The following IQUB variants were observed in gnomAD, a reference collection of about 807,000 sequenced individuals.
The protein encoded by IQUB is IQ motif and ubiquitin domain containing.
A neutral mutation model predicts 86.4 loss-of-function variants in IQUB; 86 were observed. The observed-to-expected ratio is 1.00, with a 90% CI of 0.84 to 1.19. The LOEUF is 1.19. Among genes scored for constraint, IQUB ranks in the 50% most tolerant of loss-of-function variants. The pLI, the probability that IQUB is intolerant of heterozygous loss-of-function variation, is 0.00. For synonymous variants in IQUB, 289 were observed against 304.5 expected, an observed-to-expected ratio of 0.95 and a Z score of 0.53; for missense variants, 946 against 916.9, an observed-to-expected ratio of 1.03 and a Z score of -0.41.
At chr7:123,467,115 AATAAAATAAT>A (rs1794298748) in intron 9 of IQUB, among the ~76,000 whole-genome samples, 1 of 149,966 alleles carries the variant, frequency 6.7e-6, no homozygotes, top group Non-Finnish European at 1.5e-5. Context: ...GGATAAATTA[AATAAAATAAT>A]ATAAATTATT....
chr7:123,478,316 A>G (rs1179668465), intron 8 of IQUB, among the ~76,000 whole-genome samples: 2 of 152,122 alleles, frequency 1.3e-5, no homozygotes. Flanking sequence ...GCAAACTACC[A>G]CAAGGACAAA....
chr7:123,504,635 G>C (rs1042715371), intron 3 of IQUB, among the ~76,000 whole-genome samples: 3 of 151,970 alleles, frequency 2.0e-5, no homozygotes, highest in Non-Finnish European at 2.9e-5. Context: ...GATGTCATGA[G>C]AACTCACTCA....
intron 1 of IQUB, among the ~76,000 whole-genome samples, chr7:123,529,092 G>A (rs1797398244): frequency 6.6e-6 from 1 of 152,034 alleles, no homozygotes; most frequent in Non-Finnish European, 1.5e-5. Context: ...TTTTAAGAGA[G>A]TAATATGTGC....
chr7:123,516,463 T>C (rs546931746), intron 1 of IQUB, among the ~76,000 whole-genome samples: 7 of 152,162 alleles, frequency 4.6e-5, no homozygotes, highest in Non-Finnish European at 8.8e-5. Context: ...TTTTGTGCTA[T>C]ACTTAATAAA....
chr7:123,518,211 T>C (rs1036920617), intron 1 of IQUB, among the ~76,000 whole-genome samples: 13 of 151,890 alleles, frequency 8.6e-5, no homozygotes, highest in African/African-American at 3.1e-4. Context: ...GACCTGAAAA[T>C]TTAGTCTCAG....
rs750634555 is a variant in IQUB at position 123,511,975 on chromosome 7, CAA to C, written c.364_365del (p.Leu122AlafsTer27). 6.2e-7 allele frequency: 1 copy of C among 1,609,060 alleles called. No homozygotes were observed. Among genetic ancestry groups the C allele is most frequent in the Non-Finnish European group, 8.5e-7 (1 of 1,176,274 alleles). ...CTAGAGAATCTTCCACTGATTCTTGCAAAGATTCCTTTACAGACTTTATTTTA... is the reference window on the plus strand; with the variant it reads ...CTAGAGAATCTTCCACTGATTCTTGCAGATTCCTTTACAGACTTTATTTTA... ...LDKIKSVKES[L>X]QESVEDSLAT... On this transcript the variant is annotated frameshift_variant, in exon 2 of 13. Coordinates refer to ENST00000324698, the MANE Select transcript of IQUB (RefSeq NM_178827.5). LOFTEE classifies it high-confidence loss of function.
Position 123,528,607 on chromosome 7 carries a change from G to C in IQUB, c.-5+5885C>G, listed in dbSNP as rs139549924. 1.8e-3 allele frequency among the ~76,000 whole-genome samples: 281 copies of C among 152,240 alleles called. 1 individual carries two copies. The highest frequency in any genetic ancestry group is 6.4e-3 in the African/African-American group (268 of 41,558). On this transcript the variant is annotated intron_variant, in intron 1 of 12. Transcript: ENST00000324698. Reference sequence around the variant, plus strand: ...TCCATGGGGGATTGGGAGGAGAACAGAAAAGGGGTCCTGGTGATGAAGAAA... The same window carrying C: ...TCCATGGGGGATTGGGAGGAGAACACAAAAGGGGTCCTGGTGATGAAGAAA...
chr7:123,452,757 T>C lies in IQUB; in HGVS notation c.2362A>G (p.Arg788Gly). 1 of 1,612,448 alleles carries C rather than the reference T, an allele frequency of 6.2e-7. No homozygotes were observed. Among genetic ancestry groups the C allele is most frequent in the Non-Finnish European group, 8.5e-7 (1 of 1,178,976 alleles). ...TCCTGGATCACCTAATGAGGAGGCC[T>C]CTGGGATTCTATAATCTTAGGTGTT... is the stretch of plus-strand genomic sequence containing the variant. ...DTTPKIIESQRPPH is the reference protein window; with the variant it reads ...DTTPKIIESQGPPH The change falls in exon 13 of 13, where the codon AGG becomes GGG. Residue 788 changes from arginine to glycine, a missense_variant. Transcript: ENST00000324698.
At chr7:123,469,847 T>C (rs1406057764) in intron 8 of IQUB, among the ~76,000 whole-genome samples, 1 of 152,128 alleles carries the variant, frequency 6.6e-6, no homozygotes, top group African/African-American at 2.4e-5. Flanking sequence ...TGAGTTATGG[T>C]TTAATGTCCT....
At chr7:123,469,123 A>T in intron 9 of IQUB, 91 bp downstream of exon 9, 2 of 909,000 alleles carry the variant, frequency 2.2e-6, no homozygotes, top group Non-Finnish European at 3.1e-6. Flanking sequence ...AACAATTCTT[A>T]ATGTAAAACA....
chr7:123,464,785 C>A, intron 10 of IQUB, 48 bp downstream of exon 10: 2 of 1,291,344 alleles, frequency 1.5e-6, no homozygotes, highest in Non-Finnish European at 2.1e-6. Flanking sequence ...TTTACTATAC[C>A]ACATCTTAGG....
At chr7:123,502,464 T>C (rs1795987296) in intron 6 of IQUB, 133 bp downstream of exon 6, 1 of 713,118 alleles carries the variant, frequency 1.4e-6, no homozygotes, top group Non-Finnish European at 2.4e-6. Flanking sequence ...ACTGCTTTGT[T>C]AGCAGTGAAA....
At chr7:123,477,403 T>C (rs182976389) in intron 8 of IQUB, among the ~76,000 whole-genome samples, 30 of 152,338 alleles carry the variant, frequency 2.0e-4, no homozygotes, top group African/African-American at 7.0e-4. Context: ...AAGCTGAAAC[T>C]GGATCCCTTC....
At chr7:123,478,413 G>A (rs1334508316) in intron 8 of IQUB, among the ~76,000 whole-genome samples, 1 of 152,044 alleles carries the variant, frequency 6.6e-6, no homozygotes, top group Admixed American at 6.6e-5. Context: ...CACACATGGG[G>A]GCCTGTCATG....
intron 3 of IQUB, among the ~76,000 whole-genome samples, chr7:123,508,425 C>T (rs1481515843): frequency 1.3e-5 from 2 of 152,188 alleles, no homozygotes; most frequent in African/African-American, 4.8e-5. Flanking sequence ...GTCCCCAGAG[C>T]CCCCTTTATT....
chr7:123,523,411 G>T (rs1318183415), intron 1 of IQUB, among the ~76,000 whole-genome samples: 1 of 151,540 alleles, frequency 6.6e-6, no homozygotes, highest in East Asian at 1.9e-4. Context: ...GGTGTGAGAT[G>T]ATATCTCATT....
At chr7:123,473,563 T>C (rs981096766) in intron 8 of IQUB, among the ~76,000 whole-genome samples, 6 of 151,910 alleles carry the variant, frequency 3.9e-5, no homozygotes, top group Non-Finnish European at 5.9e-5. Flanking sequence ...TGTGAGTTCT[T>C]TTGTTTTTTT....
intron 9 of IQUB, among the ~76,000 whole-genome samples, chr7:123,467,592 A>C (rs893455176): frequency 1.3e-5 from 2 of 152,216 alleles, no homozygotes; most frequent in Non-Finnish European, 2.9e-5. Flanking sequence ...GGTCCAGCTC[A>C]TAATGGATCT....
intron 3 of IQUB, 28 bp from the exon 4 acceptor site, chr7:123,503,391 G>C: frequency 8.0e-7 from 1 of 1,257,716 alleles, no homozygotes; most frequent in Non-Finnish European, 1.1e-6. Context: ...ATTTTTAAAA[G>C]TTTTATGACA....
Sources: allele counts gnomAD v4.1 joint callset (sites outside exome capture counted in the v4.1 genomes callset), GRCh38; gene constraint gnomAD v4.1.1; transcripts MANE v1.5; gene names NCBI Gene and HGNC (gene_info 2026-07-23, HGNC 2026-07-21).